Variants in COL5A2 observed in about 807,000 individuals in gnomAD.
The protein encoded by COL5A2 is collagen type V alpha 2 chain.
Under a neutral mutation model 208.2 loss-of-function variants are expected in COL5A2, and 23 were observed. The ratio of observed to expected loss-of-function variants is 0.11; its 90% CI spans 0.08 to 0.16. The LOEUF is 0.16. Among genes scored for constraint, COL5A2 ranks in the 10% least tolerant of loss-of-function variants. COL5A2 has a pLI of 1.00. For missense variants in COL5A2, 1,590 were observed against 1,956.4 expected, an observed-to-expected ratio of 0.81 and a Z score of 3.53; for synonymous variants, 625 against 628.5, an observed-to-expected ratio of 0.99 and a Z score of 0.08.
chr2:189,331,650 G>A, the COL5A2 span, among the ~76,000 whole-genome samples: 1 of 152,104 alleles, frequency 6.6e-6, no homozygotes, highest in East Asian at 1.9e-4. Context: ...CCCCAGCCAT[G>A]TGGAACTATA....
At chr2:189,357,516 G>A in the COL5A2 span, among the ~76,000 whole-genome samples, 1 of 152,102 alleles carries the variant, frequency 6.6e-6, no homozygotes, top group African/African-American at 2.4e-5. Flanking sequence ...TTTACACTGT[G>A]AGGGTAAAAC....
the COL5A2 span, among the ~76,000 whole-genome samples, chr2:189,246,115 T>C: frequency 0.15 from 22,605 of 152,186 alleles, 2,114 homozygotes; most frequent in South Asian, 0.21. Flanking sequence ...AAAAAACATA[T>C]ATTTCAACCT....
chr2:189,130,564 G>A (rs951514417), intron 1 of COL5A2, among the ~76,000 whole-genome samples: 2 of 151,790 alleles, frequency 1.3e-5, no homozygotes. Context: ...GGACATAGTG[G>A]GTCTTCACTG....
chr2:189,212,038 G>A (rs1325312081), intron 1 of COL5A2, among the ~76,000 whole-genome samples: 6 of 152,196 alleles, frequency 3.9e-5, no homozygotes, highest in African/African-American at 1.4e-4. Context: ...CCCACTTTGA[G>A]ATCAAAGGCT....
At chr2:189,405,517 A>G in the COL5A2 span, among the ~76,000 whole-genome samples, 1 of 152,220 alleles carries the variant, frequency 6.6e-6, no homozygotes, top group Admixed American at 6.5e-5. Flanking sequence ...GGTGTGAGCC[A>G]CCGTGCCTGG....
chr2:189,284,970 T>C, the COL5A2 span, among the ~76,000 whole-genome samples: 1 of 151,868 alleles, frequency 6.6e-6, no homozygotes, highest in African/African-American at 2.4e-5. Context: ...ATGGGGTAAT[T>C]CTTGTTGTTA....
chr2:189,147,229 A>G lies in COL5A2; in HGVS notation c.97+32279T>C, dbSNP rs1001499816. 2.0e-5 allele frequency among the ~76,000 whole-genome samples: 3 copies of G among 152,338 alleles called. No individual in the cohort carries two copies. The East Asian group carries it at 5.8e-4, about 29-fold the overall frequency. On this transcript the variant is annotated intron_variant, in intron 1 of 53. Transcript: ENST00000374866. ...AAATGCATTGTTATATTTGACACAGATAAATACCTAAGATGCTATAACATC... is the reference window on the plus strand; with the variant it reads ...AAATGCATTGTTATATTTGACACAGGTAAATACCTAAGATGCTATAACATC...
chr2:189,280,262 C>T, the COL5A2 span, among the ~76,000 whole-genome samples: 1 of 152,114 alleles, frequency 6.6e-6, no homozygotes, highest in Non-Finnish European at 1.5e-5. Context: ...TTAAGCTTAT[C>T]GTTCCAGCAC....
the COL5A2 span, among the ~76,000 whole-genome samples, chr2:189,315,831 T>G: frequency 6.6e-6 from 1 of 152,102 alleles, no homozygotes; most frequent in Non-Finnish European, 1.5e-5. Context: ...CCATTCACAG[T>G]TGCCACAAAA....
At chr2:189,401,678 C>A in the COL5A2 span, among the ~76,000 whole-genome samples, 115 of 152,352 alleles carry the variant, frequency 7.5e-4, no homozygotes, top group African/African-American at 2.6e-3. Flanking sequence ...TACACTCCCA[C>A]CAACAATGTA....
Position 189,039,470 on chromosome 2 carries a change from T to C in COL5A2, c.3727A>G (p.Ser1243Gly). The C allele has an allele frequency of 1.2e-6, 2 of 1,614,080 alleles. No individual in the cohort carries two copies. The highest frequency in any genetic ancestry group is 1.1e-5 in the South Asian group (1 of 91,072). The change falls in exon 51 of 54, where the codon AGC becomes GGC. Residue 1243 changes from serine to glycine, a missense_variant. Physicochemically the swap from Ser to Gly is moderately conservative, Grantham distance 56. Coordinates refer to ENST00000374866, the MANE Select transcript of COL5A2 (RefSeq NM_000393.5). ...LGDIMGHYDESMPDPLPEFTE... is the reference protein window; with the variant it reads ...LGDIMGHYDEGMPDPLPEFTE... ...AACTCAGGAAGTGGATCTGGCATGC[T>C]TTCATCATAGTGCCCCATGATATCC...
rs944502205 is a variant in COL5A2, at chr2:189,129,000, ATC to A, written c.98-18553_98-18552del. ...TAGGACTCTGGTATTTCGGTAACAA[ATC>A]TCCATGGAAAAAAGTCTCTGATTTA... On this transcript the variant is annotated intron_variant, in intron 1 of 53. Transcript: ENST00000374866. Among the ~76,000 whole-genome samples, 29 of 152,040 alleles carry A rather than the reference ATC, an allele frequency of 1.9e-4. 1 individual carries two copies. Among genetic ancestry groups the A allele is most frequent in the African/African-American group, 7.0e-4 (29 of 41,538 alleles).
intron 1 of COL5A2, among the ~76,000 whole-genome samples, chr2:189,129,721 A>T (rs191880230): frequency 6.6e-6 from 1 of 152,142 alleles, no homozygotes; most frequent in East Asian, 1.9e-4. Flanking sequence ...ATCCATGTTA[A>T]GATTTAGGGG....
At chr2:189,281,504 C>G in the COL5A2 span, among the ~76,000 whole-genome samples, 1 of 152,130 alleles carries the variant, frequency 6.6e-6, no homozygotes, top group African/African-American at 2.4e-5. Flanking sequence ...AAAAGTCAGA[C>G]TCTCCAAATA....
the COL5A2 span, among the ~76,000 whole-genome samples, chr2:189,269,453 G>A: frequency 1.3e-5 from 2 of 152,054 alleles, no homozygotes; most frequent in African/African-American, 2.4e-5. Context: ...ATGAAAGCGC[G>A]TTGAATTTTA....
the COL5A2 span, among the ~76,000 whole-genome samples, chr2:189,260,600 C>T: frequency 6.6e-6 from 1 of 152,136 alleles, no homozygotes; most frequent in Non-Finnish European, 1.5e-5. Context: ...GCCTGTGCAC[C>T]ATGACCTACA....
intron 2 of COL5A2, among the ~76,000 whole-genome samples, chr2:189,107,792 GC>G (rs1447469782): frequency 3.3e-5 from 5 of 151,490 alleles, no homozygotes; most frequent in Middle Eastern, 3.2e-3. Context: ...TCCATATTCT[GC>G]TAAATTATGT....
intron 1 of COL5A2, among the ~76,000 whole-genome samples, chr2:189,200,204 T>C (rs978019728): frequency 1.3e-5 from 2 of 152,118 alleles, no homozygotes; most frequent in Non-Finnish European, 2.9e-5. Flanking sequence ...CTTGATGGTA[T>C]AAAAAATAAA....
chr2:189,301,188 A>T, the COL5A2 span, among the ~76,000 whole-genome samples: 6 of 151,324 alleles, frequency 4.0e-5, no homozygotes, highest in East Asian at 1.2e-3. Context: ...CCCTGTCTCA[A>T]AAAAAAAATG....
Sources: allele counts gnomAD v4.1 joint callset (sites outside exome capture counted in the v4.1 genomes callset), GRCh38; gene constraint gnomAD v4.1.1; transcripts MANE v1.5; gene names NCBI Gene and HGNC (gene_info 2026-07-23, HGNC 2026-07-21).